Variants in CEP68 observed in about 807,000 individuals in gnomAD.
The protein encoded by CEP68 is centrosomal protein 68.
CEP68 carries 26 observed loss-of-function variants against 55.3 expected under a neutral mutation model. The ratio of observed to expected loss-of-function variants is 0.47; its 90% confidence interval spans 0.34 to 0.65. CEP68 has a LOEUF of 0.65. Among genes scored for constraint, CEP68 ranks in the 30% least tolerant of loss-of-function variants. The pLI is 0.01. For missense variants in CEP68, 957 were observed against 946.7 expected, an observed-to-expected ratio of 1.01 and a Z score of -0.14; for synonymous variants, 402 against 383.2, an observed-to-expected ratio of 1.05 and a Z score of -0.57.
chr2:65,072,018 C>T lies in CEP68; in HGVS notation c.922C>T (p.Pro308Ser). The T allele has an allele frequency of 6.2e-7, 1 of 1,613,294 alleles. No individual in the cohort carries two copies. The highest frequency in any genetic ancestry group is 8.5e-7 in the Non-Finnish European group (1 of 1,179,998). Reference sequence around the variant, plus strand: ...TGAAGATCTGCTTGACTATACTTACCCACTGAGGCCCGGGCCTCAGCTCCC... The same window carrying T: ...TGAAGATCTGCTTGACTATACTTACTCACTGAGGCCCGGGCCTCAGCTCCC... The part of the protein sequence containing the change: ...EYEDLLDYTY[P>S]LRPGPQLPKH... Residue 308 changes from proline (P) to serine (S), a missense_variant, in exon 3 of 7, where the codon CCA becomes TCA. Transcript: ENST00000377990.
chr2:65,075,389 C>T (rs1435868809), intron 4 of CEP68: 2 of 152,070 alleles, frequency 1.3e-5, no homozygotes, highest in Non-Finnish European at 2.9e-5. Flanking sequence ...GGCCACAGAC[C>T]GAGACCGTCT....
In CEP68 at chr2:65,085,119, GT is replaced by G. The variant is rs1021274439; in HGVS notation, c.*1487del. 1 of 152,114 alleles carries G rather than the reference GT, an allele frequency of 6.6e-6. No homozygotes were observed. Among genetic ancestry groups the G allele is most frequent in the African/African-American group, 2.4e-5 (1 of 41,406 alleles). 9.4% of individuals were successfully genotyped at this position (152,114 alleles called of 1,614,324 possible). A position where few individuals can be genotyped will look rare whatever the true frequency, so the allele number is the denominator to read the frequency against. ...AGGAACATGTCCTTCCACTGAGTAT[GT>G]TACTGAATAGCCCTTAGGAAATTAA... On this transcript the variant is annotated 3_prime_UTR_variant, in exon 7 of 7. Coordinates refer to ENST00000377990, the MANE Select transcript of CEP68 (RefSeq NM_015147.3).
intron 1 of CEP68, among the ~76,000 whole-genome samples, chr2:65,064,184 G>A (rs561250220): frequency 1.3e-5 from 2 of 152,274 alleles, no homozygotes; most frequent in African/African-American, 4.8e-5. Context: ...GTGTATCCTT[G>A]TAAGTTACTT....
chr2:65,082,458 G>T, intron 5 of CEP68, 78 bp from the exon 6 acceptor site: 1 of 1,332,200 alleles, frequency 7.5e-7, no homozygotes, highest in Non-Finnish European at 1.0e-6. Flanking sequence ...ACCCTTGTAT[G>T]TTCTTTTGAA....
chr2:65,082,385 A>C (rs1281755718), intron 5 of CEP68, 151 bp from the exon 6 acceptor site: 11 of 533,422 alleles, frequency 2.1e-5, no homozygotes, highest in Non-Finnish European at 3.3e-5. Flanking sequence ...CTGGAGAATC[A>C]CTGTTAAAAA....
chr2:65,060,699 TTG>T (rs1461503085), intron 1 of CEP68, among the ~76,000 whole-genome samples: 1 of 152,244 alleles, frequency 6.6e-6, no homozygotes, highest in Non-Finnish European at 1.5e-5. Context: ...TTTTTCTGCT[TTG>T]CTCTTTAGTG....
rs1301519067 is a variant in CEP68 at position 65,082,539 on chromosome 2, T to C, written c.2108T>C (p.Leu703Ser). ...TTTCTTTGAACCTCATTGTTAGTTT[T>C]AGAGGATGTCCTTGGGAGGATCGCA... ...LQCLLENTPV[L>S]EDVLGRIAKQ... Residue 703 changes from leucine to serine, a missense_variant, in exon 6 of 7, where the codon TTA becomes TCA. Physicochemically the swap from Leu to Ser is moderately radical, Grantham distance 145. Transcript: ENST00000377990. 6.5e-7 allele frequency: 1 copy of C among 1,549,246 alleles called. No individual in the cohort carries two copies. Among genetic ancestry groups the C allele is most frequent in the Non-Finnish European group, 8.7e-7 (1 of 1,154,202 alleles).
At position 65,072,794 on chromosome 2, in the gene CEP68, C is replaced by T. The variant is rs188040350; in HGVS notation, c.1698C>T (p.His566=). 6,499 of 1,614,160 alleles carry T rather than the reference C, an allele frequency of 4.0e-3. 60 individuals are homozygous for T. The highest frequency in any genetic ancestry group is 3.7e-3 in the Non-Finnish European group (4,355 of 1,180,030). Residue 566 remains histidine, a synonymous_variant, in exon 3 of 7, where the codon CAC becomes CAT. Coordinates refer to ENST00000377990, the MANE Select transcript of CEP68 (RefSeq NM_015147.3). ...PCFLRSFVRA[H]DSAGEGSLGS... ...TCCTGCGCTCCTTCGTCCGTGCCCA[C>T]GACTCCGCAGGGGAAGGCAGTCTGG... is the stretch of plus-strand genomic sequence containing the variant.
At chr2:65,060,472 G>A (rs1407148766) in intron 1 of CEP68, among the ~76,000 whole-genome samples, 1 of 151,210 alleles carries the variant, frequency 6.6e-6, no homozygotes, top group Non-Finnish European at 1.5e-5. Flanking sequence ...GCCCATACCT[G>A]TAATCCCAGC....
chr2:65,062,189 TC>T (rs1675942048), intron 1 of CEP68, among the ~76,000 whole-genome samples: 1 of 152,090 alleles, frequency 6.6e-6, no homozygotes, highest in South Asian at 2.1e-4. Context: ...AGAACAGAGC[TC>T]CCTGGGCAAA....
intron 1 of CEP68, among the ~76,000 whole-genome samples, chr2:65,066,627 C>A (rs1271021555): frequency 6.7e-6 from 1 of 149,128 alleles, no homozygotes; most frequent in Non-Finnish European, 1.5e-5. Context: ...ACTCGGGAGG[C>A]TGAGGCAGAG....
intron 5 of CEP68, 83 bp downstream of exon 5, chr2:65,078,047 G>A: frequency 9.9e-7 from 1 of 1,006,972 alleles, no homozygotes; most frequent in East Asian, 2.5e-5. Context: ...CCCTGGTAAG[G>A]AGCTGGTACC....
chr2:65,078,842 C>A (rs1676883054), intron 5 of CEP68, among the ~76,000 whole-genome samples: 1 of 152,174 alleles, frequency 6.6e-6, no homozygotes, highest in African/African-American at 2.4e-5. Context: ...CTGCACCCAG[C>A]CACTTGAGCC....
chr2:65,080,466 C>G, intron 5 of CEP68: 1 of 985,418 alleles, frequency 1.0e-6, no homozygotes, highest in Non-Finnish European at 1.2e-6. Flanking sequence ...ATGTTTTGTT[C>G]CAGTCCTTCC....
At chr2:65,078,990 A>G (rs1676890088) in intron 5 of CEP68, among the ~76,000 whole-genome samples, 1 of 152,226 alleles carries the variant, frequency 6.6e-6, no homozygotes, top group East Asian at 1.9e-4. Flanking sequence ...AGGATATGAT[A>G]GGGAGGATGA....
intron 1 of CEP68, among the ~76,000 whole-genome samples, chr2:65,060,190 T>C (rs1192086521): frequency 6.6e-6 from 1 of 152,046 alleles, no homozygotes; most frequent in East Asian, 1.9e-4. Flanking sequence ...AGATTGTGTA[T>C]TTGGCCCTGA....
chr2:65,065,242 G>A (rs1183184443), intron 1 of CEP68, among the ~76,000 whole-genome samples: 1 of 152,232 alleles, frequency 6.6e-6, no homozygotes, highest in Admixed American at 6.5e-5. Context: ...CTCTACTTCT[G>A]CAATTCATGC....
chr2:65,080,114 CAA>C (rs1676940345), intron 5 of CEP68, among the ~76,000 whole-genome samples: 1 of 149,792 alleles, frequency 6.7e-6, no homozygotes, highest in Non-Finnish European at 1.5e-5. Flanking sequence ...GCCTGGGCAA[CAA>C]GAGCGAAATT....
intron 1 of CEP68, among the ~76,000 whole-genome samples, chr2:65,059,758 G>C (rs1195099424): frequency 6.6e-6 from 1 of 152,182 alleles, no homozygotes; most frequent in Non-Finnish European, 1.5e-5. Flanking sequence ...GTCATCTGGA[G>C]ATATTGCTAA....
Sources: allele counts gnomAD v4.1 joint callset (sites outside exome capture counted in the v4.1 genomes callset), GRCh38; gene constraint gnomAD v4.1.1; transcripts MANE v1.5; gene names NCBI Gene and HGNC (gene_info 2026-07-23, HGNC 2026-07-21).